ZNF124: variants seen among roughly 807,000 people sequenced by gnomAD.
ZNF124 encodes zinc finger protein 124, also known as zinc finger protein HZF-16.
In ZNF124, 25 loss-of-function variants were observed where a neutral mutation model predicts 26.6. That is an observed-to-expected ratio of 0.94 (90% CI 0.68 to 1.31). The LOEUF is 1.31. Ranked by LOEUF, ZNF124 falls within the 40% of genes most tolerant of loss-of-function variation. The probability of loss-of-function intolerance (pLI) is 0.00; values close to 1 mark genes in which losing one functional copy is unlikely to be tolerated. For missense variants in ZNF124, 444 were observed against 422.2 expected (o/e 1.05, Z -0.45); for synonymous variants, 129 against 133.3 (o/e 0.97, Z 0.22).
rs187083519 is a variant in ZNF124, at chr1:247,124,229, A to T, written c.219-358T>A. ...GTGGCTTTTTTTTTTTTTGAGACAG[A>T]GTCTCGCTCTGTCGCCCAGGCTGGA... On this transcript the variant is annotated intron_variant, in intron 3 of 3. Transcript: ENST00000472531. 4.7e-3 allele frequency among the ~76,000 whole-genome samples: 704 copies of T among 150,608 alleles called. 9 individuals carry two copies. Among genetic ancestry groups the T allele is most frequent in the African/African-American group, 0.017 (679 of 40,898 alleles).
intron 3 of ZNF124, among the ~76,000 whole-genome samples, chr1:247,143,937 A>G (rs527421663): frequency 1.3e-4 from 20 of 149,092 alleles, no homozygotes; most frequent in East Asian, 3.9e-4. Flanking sequence ...GTAAGCATGC[A>G]TGCTCAATAA....
At chr1:247,151,345 G>A (rs951691630), downstream of ZNF124, among the ~76,000 whole-genome samples, 5 of 152,196 alleles carry the variant, frequency 3.3e-5, no homozygotes, top group Admixed American at 2.6e-4. Flanking sequence ...CGGGCGTGGT[G>A]GCGGGCGCCT....
chr1:247,156,918 A>G lies in ZNF124; in HGVS notation c.704T>C (p.Val235Ala). Residue 235 changes from valine to alanine, a missense_variant, in exon 4 of 4, where the codon GTG (valine) becomes GCG (alanine). Coordinates refer to ENST00000543802, the MANE Select transcript of ZNF124 (RefSeq NM_001297568.2). ...ERTHTGEKPY[V>A]CMECGKAFSC... Reference sequence around the variant, plus strand: ...GAAAGCTTTGCCACATTCCATGCACACATAAGGTTTCTCTCCAGTGTGAGT... The same window carrying G: ...GAAAGCTTTGCCACATTCCATGCACGCATAAGGTTTCTCTCCAGTGTGAGT... The G allele has an allele frequency of 1.7e-5, 27 of 1,613,976 alleles. No homozygotes were observed. Among genetic ancestry groups the G allele is most frequent in the Non-Finnish European group, 2.2e-5 (26 of 1,179,984 alleles).
chr1:247,128,838 C>T (rs1055085856), intron 3 of ZNF124, among the ~76,000 whole-genome samples: 7 of 151,042 alleles, frequency 4.6e-5, no homozygotes, highest in Admixed American at 1.3e-4. Context: ...GGGGACACGG[C>T]GCAGTTTTCT....
rs553622862 is a variant in ZNF124, at chr1:247,155,579, C to T, written c.*987G>A. Among the ~76,000 whole-genome samples the T allele has an allele frequency of 6.6e-6, 1 of 152,176 alleles. No homozygotes were observed. Among genetic ancestry groups the T allele is most frequent in the South Asian group, 2.1e-4 (1 of 4,826 alleles). On this transcript the variant is annotated 3_prime_UTR_variant, in exon 4 of 4. Coordinates refer to ENST00000543802, the MANE Select transcript of ZNF124 (RefSeq NM_001297568.2). ...AAGAATACTTACAGAAGTCTTGCCT[C>T]AGCTGGGCGTGGTGGCTCACGCCTG...
At chr1:247,166,122 T>G (rs939223833) in intron 1 of ZNF124, among the ~76,000 whole-genome samples, 2 of 152,144 alleles carry the variant, frequency 1.3e-5, no homozygotes, top group African/African-American at 4.8e-5. Flanking sequence ...GAGGCTGCAG[T>G]AAGCCAAAAT....
At chr1:247,133,581 A>C (rs915953902) in intron 3 of ZNF124, among the ~76,000 whole-genome samples, 4 of 152,092 alleles carry the variant, frequency 2.6e-5, no homozygotes, top group Non-Finnish European at 4.4e-5. Flanking sequence ...CATCAGACTA[A>C]CGGTAGACAT....
intron 3 of ZNF124, among the ~76,000 whole-genome samples, chr1:247,147,872 C>T (rs1672827547): frequency 8.6e-6 from 1 of 115,918 alleles, no homozygotes; most frequent in South Asian, 2.2e-4. Context: ...ATTGAGTTAG[C>T]CCCAAAGGCC....
rs976206006 is a variant in ZNF124, at chr1:247,138,674, A to G, written c.219-14803T>C. On this transcript the variant is annotated intron_variant, in intron 3 of 3. Coordinates refer to the ZNF124 transcript ENST00000472531. ...TCACATGGCAATTCCTTGCCCCAAG[A>G]GTGCAGAGAAAGAAAGGTACATACA... 1.0e-5 allele frequency: 4 copies of G among 398,464 alleles called. No homozygotes were observed. The Admixed American group carries it at 1.3e-4, about 13-fold the overall frequency. The allele number at this position is 398,464 out of a possible 1,614,324, so 24.7% of individuals were successfully genotyped here.
chr1:247,166,071 C>A (rs1673762898), intron 1 of ZNF124, among the ~76,000 whole-genome samples: 1 of 152,118 alleles, frequency 6.6e-6, no homozygotes, highest in Non-Finnish European at 1.5e-5. Context: ...CCCAGCTACT[C>A]GTGAGGCTGA....
chr1:247,132,562 G>A (rs1335753151), intron 3 of ZNF124, among the ~76,000 whole-genome samples: 3 of 152,164 alleles, frequency 2.0e-5, no homozygotes, highest in African/African-American at 7.2e-5. Context: ...TAGAATAAGG[G>A]AGGAGACCAC....
intron 3 of ZNF124, among the ~76,000 whole-genome samples, chr1:247,146,290 C>T (rs1047741660): frequency 6.6e-6 from 1 of 152,178 alleles, no homozygotes; most frequent in African/African-American, 2.4e-5. Flanking sequence ...AGATAGATTC[C>T]GATTTTCCCT....
chr1:247,167,261 A>T (rs181584976), intron 1 of ZNF124, among the ~76,000 whole-genome samples: 1 of 152,318 alleles, frequency 6.6e-6, no homozygotes, highest in Admixed American at 6.5e-5. Context: ...ACTCCCATTC[A>T]ACACAGTATT....
At chr1:247,130,263 C>CT (rs1329152367) in intron 3 of ZNF124, among the ~76,000 whole-genome samples, 3 of 152,050 alleles carry the variant, frequency 2.0e-5, no homozygotes, top group Non-Finnish European at 4.4e-5. Flanking sequence ...TCTTAAATGG[C>CT]TTTTTTCTTG....
chr1:247,144,572 T>C (rs760587935), intron 3 of ZNF124, among the ~76,000 whole-genome samples: 1 of 151,032 alleles, frequency 6.6e-6, no homozygotes, highest in Non-Finnish European at 1.5e-5. Context: ...TTGAGGTGGG[T>C]GTCAGCTAAA....
chr1:247,125,613 G>T (rs1672197596), intron 3 of ZNF124, among the ~76,000 whole-genome samples: 1 of 151,660 alleles, frequency 6.6e-6, no homozygotes, highest in East Asian at 1.9e-4. Context: ...TGCATTTTTA[G>T]TAGAGACGGG....
At chr1:247,169,798 G>C (rs1476962328) in intron 1 of ZNF124, among the ~76,000 whole-genome samples, 5 of 108,694 alleles carry the variant, frequency 4.6e-5, no homozygotes, top group Admixed American at 4.0e-4. Flanking sequence ...GAGTGATAAC[G>C]GGGGTAAGAG....
chr1:247,157,457 T>G (rs1434990562), intron 3 of ZNF124, 54 bp from the exon 4 acceptor site: 5 of 1,508,430 alleles, frequency 3.3e-6, no homozygotes, highest in South Asian at 1.2e-5. Context: ...TGCATTCATG[T>G]GGTTTTACTC....
At chr1:247,165,690 T>G (rs1395359016) in intron 1 of ZNF124, among the ~76,000 whole-genome samples, 1 of 152,106 alleles carries the variant, frequency 6.6e-6, no homozygotes, top group South Asian at 2.1e-4. Flanking sequence ...CCAGAATCTG[T>G]AAGAAACTTA....
Sources: allele counts gnomAD v4.1 joint callset (sites outside exome capture counted in the v4.1 genomes callset), GRCh38; gene constraint gnomAD v4.1.1; transcripts MANE v1.5; gene names NCBI Gene and HGNC (gene_info 2026-07-23, HGNC 2026-07-21).